HADH: variants seen among roughly 807,000 people sequenced by gnomAD.
HADH encodes the protein hydroxyacyl-CoA dehydrogenase.
Under a neutral mutation model 32.2 loss-of-function variants are expected in HADH, and 24 were observed. That is an observed-to-expected ratio of 0.75 (90% CI 0.54 to 1.05). HADH has a LOEUF of 1.05. Among genes scored for constraint, HADH ranks in the 50% least tolerant of loss-of-function variants. The probability of loss-of-function intolerance (pLI) is 0.00; values close to 1 mark genes in which losing one functional copy is unlikely to be tolerated. For missense variants in HADH, 350 were observed against 397.1 expected, an observed-to-expected ratio of 0.88 and a Z score of 1.01; for synonymous variants, 139 against 152.5, an observed-to-expected ratio of 0.91 and a Z score of 0.65.
intron 1 of HADH, among the ~76,000 whole-genome samples, chr4:108,007,507 T>G (rs1735329829): frequency 6.6e-6 from 1 of 152,292 alleles, no homozygotes; most frequent in Middle Eastern, 3.4e-3. Flanking sequence ...TACTAATAAT[T>G]CAGAAATAAA....
intron 4 of HADH, among the ~76,000 whole-genome samples, chr4:108,022,177 G>GTGTA (rs1424150989): frequency 6.8e-6 from 1 of 147,934 alleles, no homozygotes; most frequent in African/African-American, 2.6e-5. Context: ...ATGTGTGTGT[G>GTGTA]TGTGTGTGTG....
At chr4:107,991,631 A>T (rs910064586) in intron 1 of HADH, among the ~76,000 whole-genome samples, 4 of 152,102 alleles carry the variant, frequency 2.6e-5, no homozygotes, top group Non-Finnish European at 5.9e-5. Context: ...TATCCCCATA[A>T]TCTATGTTGT....
chr4:107,998,940 G>A (rs6533333), intron 1 of HADH, among the ~76,000 whole-genome samples: 131,946 of 152,218 alleles, frequency 0.87, 58,069 homozygotes, highest in East Asian at 0.97. Flanking sequence ...TTTGAGAGCC[G>A]CCACACTGAA....
intron 1 of HADH, chr4:108,005,029 C>A: frequency 3.0e-6 from 2 of 674,800 alleles, no homozygotes; most frequent in Non-Finnish European, 4.8e-6. Flanking sequence ...TGTAACTCAC[C>A]ATATATACCT....
At chr4:107,991,973 A>T (rs549011651) in intron 1 of HADH, among the ~76,000 whole-genome samples, 2 of 152,352 alleles carry the variant, frequency 1.3e-5, no homozygotes, top group African/African-American at 4.8e-5. Flanking sequence ...GTAGAAAATC[A>T]GAGTGCTTAG....
intron 3 of HADH, among the ~76,000 whole-genome samples, chr4:108,017,248 A>G (rs1273613668): frequency 6.6e-6 from 1 of 152,214 alleles, no homozygotes; most frequent in Non-Finnish European, 1.5e-5. Flanking sequence ...TGGAGAGAAC[A>G]TGACTTCTCT....
At chr4:108,003,912 A>G (rs1560725177) in intron 1 of HADH, among the ~76,000 whole-genome samples, 1 of 152,034 alleles carries the variant, frequency 6.6e-6, no homozygotes. Context: ...CCCTCCCAAC[A>G]ACCCTGTTGC....
At position 108,034,884 on chromosome 4, in the gene HADH, T is replaced by C; in HGVS notation, c.*527T>C. ...TTTGGGCATGACATAAGATGTGTCT[T>C]TATTCAGCTCGTCGTGAAGATGCTG... On this transcript the variant is annotated 3_prime_UTR_variant, in exon 8 of 8. Coordinates refer to ENST00000309522, the MANE Select transcript of HADH (RefSeq NM_005327.7). The C allele has an allele frequency of 1.8e-5, 4 of 216,716 alleles. No individual in the cohort carries two copies. The highest frequency in any genetic ancestry group is 2.0e-3 in the Middle Eastern group (1 of 504). 13.4% of individuals were successfully genotyped at this position (216,716 alleles called of 1,614,324 possible). A position where few individuals can be genotyped will look rare whatever the true frequency, so the allele number is the denominator to read the frequency against.
chr4:108,032,134 T>G, intron 6 of HADH: 1 of 443,842 alleles, frequency 2.3e-6, no homozygotes, highest in Admixed American at 3.8e-5. Context: ...CCTCTTTTCT[T>G]TAGCTTTGAT....
In HADH at chr4:108,033,193, G is replaced by T; in HGVS notation, c.727G>T (p.Asp243Tyr). 1 of 1,598,088 alleles carries T rather than the reference G, an allele frequency of 6.3e-7. No individual in the cohort carries two copies. The highest frequency in any genetic ancestry group is 8.6e-7 in the Non-Finnish European group (1 of 1,165,414). Residue 243 changes from aspartate to tyrosine, a missense_variant, in exon 7 of 8, where the codon GAC becomes TAC. Physicochemically the swap from Asp to Tyr is radical, Grantham distance 160. Coordinates refer to ENST00000309522, the MANE Select transcript of HADH (RefSeq NM_005327.7). Reference sequence around the variant, plus strand: ...CTCCTTAGGTGACGCATCCAAAGAAGACATTGACACTGCTATGAAATTAGG... The same window carrying T: ...CTCCTTAGGTGACGCATCCAAAGAATACATTGACACTGCTATGAAATTAGG... ...LYERGDASKE[D>Y]IDTAMKLGAG...
intron 1 of HADH, among the ~76,000 whole-genome samples, chr4:107,999,024 A>C (rs1454147457): frequency 6.6e-6 from 1 of 152,208 alleles, no homozygotes; most frequent in Non-Finnish European, 1.5e-5. Flanking sequence ...CTGAACAATA[A>C]ATGCTTTCGC....
intron 4 of HADH, 66 bp downstream of exon 4, chr4:108,019,732 G>T (rs1040320480): frequency 6.3e-7 from 1 of 1,593,482 alleles, no homozygotes; most frequent in African/African-American, 1.3e-5. Flanking sequence ...GCTTTTCTGT[G>T]TTACACCAGC....
At chr4:108,028,851 A>G (rs552261084) in intron 6 of HADH, 5 of 398,464 alleles carry the variant, frequency 1.3e-5, no homozygotes, top group South Asian at 1.3e-4. Flanking sequence ...GCATTCTCCA[A>G]TGCACCAAGT....
intron 1 of HADH, among the ~76,000 whole-genome samples, chr4:108,008,081 G>C (rs1327837402): frequency 1.3e-5 from 2 of 152,188 alleles, no homozygotes; most frequent in East Asian, 3.8e-4. Context: ...TCACTGACTT[G>C]AATCATTGGC....
chr4:107,991,626 C>A (rs1371506578), intron 1 of HADH, among the ~76,000 whole-genome samples: 5 of 151,764 alleles, frequency 3.3e-5, no homozygotes, highest in African/African-American at 9.7e-5. Context: ...TATAGTATCC[C>A]CATAATCTAT....
At chr4:107,990,859 C>T (rs558154017) in intron 1 of HADH, among the ~76,000 whole-genome samples, 4 of 150,590 alleles carry the variant, frequency 2.7e-5, no homozygotes, top group Non-Finnish European at 4.4e-5. Context: ...AAGCGATTCT[C>T]CTGCCTCAGC....
At chr4:108,004,942 C>G (rs752609286) in intron 1 of HADH, 1 of 1,508,176 alleles carries the variant, frequency 6.6e-7, no homozygotes, top group South Asian at 1.2e-5. Flanking sequence ...AACTAGTATT[C>G]AGGATGTTAT....
chr4:108,032,142 G>T, intron 6 of HADH: 1 of 466,740 alleles, frequency 2.1e-6, no homozygotes, highest in African/African-American at 1.9e-5. Flanking sequence ...CTTTAGCTTT[G>T]ATCTGATTGA....
At chr4:108,032,337 G>A (rs761843422) in intron 6 of HADH, 30 of 1,600,780 alleles carry the variant, frequency 1.9e-5, no homozygotes, top group Non-Finnish European at 2.5e-5. Context: ...ACTTCCAAAC[G>A]TGTGGTGATT....
Sources: gnomAD v4.1 joint callset for allele counts (sites outside exome capture counted in the v4.1 genomes callset) on GRCh38, gnomAD v4.1.1 for gene constraint, MANE v1.5 for transcripts, NCBI Gene and HGNC (gene_info 2026-07-23, HGNC 2026-07-21) for gene names.